The following CERS1 variants were observed in gnomAD, a reference collection of about 807,000 sequenced individuals.
CERS1 encodes the protein ceramide synthase 1, also known as Embryonic growth/differentiation factor 1.
A neutral mutation model predicts 35.7 loss-of-function variants in CERS1; 16 were observed. The observed-to-expected ratio is 0.45, with a 90% confidence interval of 0.30 to 0.68. CERS1 has a LOEUF of 0.68. CERS1 is among the 30% of genes least tolerant of loss of function. CERS1 has a pLI of 0.08. For missense variants in CERS1, 454 were observed against 453.9 expected (o/e 1.00, Z 0.00); for synonymous variants, 243 against 201.6 (o/e 1.21, Z -1.74).
At chr19:18,880,464 G>A (rs1386914825) in intron 3 of CERS1, 29 bp from the exon 4 acceptor site, 2 of 1,553,586 alleles carry the variant, frequency 1.3e-6, no homozygotes, top group Non-Finnish European at 1.7e-6. Flanking sequence ...GAGAGGAGAG[G>A]GCAGCTCACA....
In CERS1 at chr19:18,895,610, T is replaced by C. The variant is rs1330081327; in HGVS notation, c.249+214A>G. Among the ~76,000 whole-genome samples, 1 of 149,324 alleles carries C rather than the reference T, an allele frequency of 6.7e-6. No homozygotes were observed. Among genetic ancestry groups the C allele is most frequent in the African/African-American group, 2.5e-5 (1 of 40,114 alleles). ...TCTACCCGGTTCCCCCACGCAGCACTGTCTGAAGGGGGCGCGCGGCGGCCC... is the reference window on the plus strand; with the variant it reads ...TCTACCCGGTTCCCCCACGCAGCACCGTCTGAAGGGGGCGCGCGGCGGCCC... On this transcript the variant is annotated intron_variant, in intron 1 of 7. Transcript: ENST00000623882. The surrounding 1 kb of genome is among the most constrained non-coding windows in gnomAD (Gnocchi z 6.4).
rs1354098328 is a variant in CERS1 at position 18,895,723 on chromosome 19, A to G, written c.249+101T>C. On this transcript the variant is annotated intron_variant, in intron 1 of 7. Transcript: ENST00000623882. This position sits in a 1 kb window ranked among gnomAD's most constrained non-coding sequence, Gnocchi z 6.4. ...TTCCGGCGACCCCTTCATCCGCAGC[A>G]GCCAGCGCTGGAAGAAAGGAACGCG... The G allele has an allele frequency of 3.4e-6, 2 of 588,708 alleles. No homozygotes were observed. Among genetic ancestry groups the G allele is most frequent in the Non-Finnish European group, 4.7e-6 (2 of 429,190 alleles). The allele number at this position is 588,708 out of a possible 1,614,324, so 36.5% of individuals were successfully genotyped here.
Position 18,896,105 on chromosome 19 carries a change from C to A in CERS1, c.-33G>T. ...GCTCGCCCGCCGTGCCCGTCGCCTG[C>A]GCCCGCCCGCGGTAGCCGACGGAGC... is the stretch of plus-strand genomic sequence containing the variant. On this transcript the variant is annotated 5_prime_UTR_variant, in exon 1 of 8. Coordinates refer to ENST00000623882, the MANE Select transcript of CERS1 (RefSeq NM_021267.5). The surrounding 1 kb of genome is among the most constrained non-coding windows in gnomAD (Gnocchi z 5.9). 1.2e-6 allele frequency: 1 copy of A among 862,856 alleles called. No individual in the cohort carries two copies. Among genetic ancestry groups the A allele is most frequent in the Non-Finnish European group, 1.4e-6 (1 of 721,168 alleles). The allele number at this position is 862,856 out of a possible 1,614,324, so 53.4% of individuals were successfully genotyped here.
chr19:18,873,446 C>T (rs1008397631), intron 6 of CERS1, among the ~76,000 whole-genome samples: 1 of 151,976 alleles, frequency 6.6e-6, no homozygotes, highest in Admixed American at 6.6e-5. Flanking sequence ...CCTGTAATCC[C>T]AGCACTTTGG....
At chr19:18,880,248 C>T in intron 4 of CERS1, 26 bp downstream of exon 4, 1 of 1,530,108 alleles carries the variant, frequency 6.5e-7, no homozygotes, top group Non-Finnish European at 8.8e-7. Flanking sequence ...CACCTCCCTC[C>T]CTGCCCAGCA....
At position 18,884,230 on chromosome 19, in the gene CERS1, T is replaced by C; in HGVS notation, c.447A>G (p.Ala149=). The part of the protein sequence containing the change: ...TPGMAVPRDI[A]AAYLLQGSFY... ...AGCTTCCCTGGAGCAGGTAGGCGGC[T>C]GCAATGTCCCGTGGCACTGCCATGC... Residue 149 remains alanine, a synonymous_variant, in exon 3 of 8, where the codon GCA becomes GCG. Transcript: ENST00000623882. The C allele has an allele frequency of 1.2e-6, 2 of 1,613,362 alleles. No individual in the cohort carries two copies. Among genetic ancestry groups the C allele is most frequent in the Non-Finnish European group, 1.7e-6 (2 of 1,179,768 alleles).
In CERS1 at chr19:18,879,404, T is replaced by C; in HGVS notation, c.753-16A>G. ...GAACCAGAACCTGCGGTGGGAGGAG[T>C]CAGGAGGCCGTGGGTGGAGGGGGAC... On this transcript the variant is annotated splice_polypyrimidine_tract_variant and intron_variant, in intron 4 of 7. Coordinates refer to ENST00000623882, the MANE Select transcript of CERS1 (RefSeq NM_021267.5). 6.4e-7 allele frequency: 1 copy of C among 1,550,932 alleles called. No homozygotes were observed. The highest frequency in any genetic ancestry group is 1.7e-4 in the Middle Eastern group (1 of 5,986).
intron 7 of CERS1, 133 bp from the exon 8 acceptor site, chr19:18,869,523 G>A: frequency 8.0e-7 from 1 of 1,249,946 alleles, no homozygotes; most frequent in Non-Finnish European, 1.1e-6. Flanking sequence ...GTGAAGCGGC[G>A]GGGTGGGCTG....
rs1484942190 is a variant in CERS1 at position 18,895,313 on chromosome 19, G to A, written c.249+511C>T. 6.6e-6 allele frequency among the ~76,000 whole-genome samples: 1 copy of A among 152,192 alleles called. No homozygotes were observed. The highest frequency in any genetic ancestry group is 1.5e-5 in the Non-Finnish European group (1 of 68,032). Reference sequence around the variant, plus strand: ...CAGCAGAAAACGGGCAGCGGACCTCGCTCCGGGCCGGGGCGCAGCCCGCAT... The same window carrying A: ...CAGCAGAAAACGGGCAGCGGACCTCACTCCGGGCCGGGGCGCAGCCCGCAT... On this transcript the variant is annotated intron_variant, in intron 1 of 7. Coordinates refer to ENST00000623882, the MANE Select transcript of CERS1 (RefSeq NM_021267.5). The surrounding 1 kb of genome is among the most constrained non-coding windows in gnomAD (Gnocchi z 6.4).
chr19:18,870,048 A>C lies in CERS1; in HGVS notation c.*529T>G. ...CAGCTCCTCCACGTGGCACGGTTGC[A>C]GGGTGACCCCTGGGGACGTCCGCCG... On this transcript the variant is annotated 3_prime_UTR_variant, in exon 7 of 8. Coordinates refer to ENST00000623882, the MANE Select transcript of CERS1 (RefSeq NM_021267.5). This position sits in a 1 kb window ranked among gnomAD's most constrained non-coding sequence, Gnocchi z 5.1. 6.3e-7 allele frequency: 1 copy of C among 1,593,894 alleles called. No homozygotes were observed. The highest frequency in any genetic ancestry group is 1.1e-5 in the South Asian group (1 of 88,568).
chr19:18,891,846 C>T lies in CERS1; in HGVS notation c.409+1570G>A, dbSNP rs556286782. Among the ~76,000 whole-genome samples, 11 of 151,530 alleles carry T rather than the reference C, an allele frequency of 7.3e-5. No homozygotes were observed. The East Asian group carries it at 2.1e-3, about 29-fold the overall frequency. On this transcript the variant is annotated intron_variant, in intron 2 of 7. Transcript: ENST00000623882. ...TCCGCCTCCCAAAGTGTTAGGATTA[C>T]AGGTGTGAGCCAGTGAGCCACCACG... is the stretch of plus-strand genomic sequence containing the variant.
chr19:18,886,016 C>T (rs188098022), intron 2 of CERS1, among the ~76,000 whole-genome samples: 70 of 152,318 alleles, frequency 4.6e-4, no homozygotes, highest in African/African-American at 1.5e-3. Context: ...CTGACCACCA[C>T]GCTCAGGTGA....
At chr19:18,894,205 C>A (rs2056568394) in intron 1 of CERS1, among the ~76,000 whole-genome samples, 1 of 131,242 alleles carries the variant, frequency 7.6e-6, no homozygotes, top group Non-Finnish European at 1.5e-5. Flanking sequence ...ATTGGGAGTG[C>A]AGAGGAAGCT....
chr19:18,881,219 T>TA (rs1445370927), intron 3 of CERS1, among the ~76,000 whole-genome samples: 4 of 149,878 alleles, frequency 2.7e-5, no homozygotes, highest in Admixed American at 1.3e-4. Context: ...TTTTTTTTTT[T>TA]AATTTTTTTT....
At chr19:18,894,541 G>A (rs1273478427) in intron 1 of CERS1, among the ~76,000 whole-genome samples, 2 of 152,118 alleles carry the variant, frequency 1.3e-5, no homozygotes, top group African/African-American at 4.8e-5. Context: ...CTCGGCCCTG[G>A]TAGTCTACCA....
chr19:18,869,279 C>G lies in CERS1; in HGVS notation c.*706G>C, dbSNP rs747345121. Reference sequence around the variant, plus strand: ...CGCCGCCGCGAAACGCAGCTCCAGGCGGGCCCGGCTCGGGCGCTCAGCGGG... The same window carrying G: ...CGCCGCCGCGAAACGCAGCTCCAGGGGGGCCCGGCTCGGGCGCTCAGCGGG... On this transcript the variant is annotated 3_prime_UTR_variant, in exon 8 of 8. Transcript: ENST00000623882. The G allele has an allele frequency of 1.3e-6, 2 of 1,497,034 alleles. No individual in the cohort carries two copies. Among genetic ancestry groups the G allele is most frequent in the Non-Finnish European group, 1.8e-6 (2 of 1,131,442 alleles). 92.7% of individuals were successfully genotyped at this position (1,497,034 alleles called of 1,614,324 possible). A position where few individuals can be genotyped will look rare whatever the true frequency, so the allele number is the denominator to read the frequency against.
In CERS1 at chr19:18,878,220, A is replaced by C. The variant is rs556414544; in HGVS notation, c.1010+710T>G. ...CCCGGCTCCTGCTCAAACACTCCTCACGTTGCCTATGAGACACTGCACACC... is the reference window on the plus strand; with the variant it reads ...CCCGGCTCCTGCTCAAACACTCCTCCCGTTGCCTATGAGACACTGCACACC... On this transcript the variant is annotated intron_variant, in intron 6 of 7. Transcript: ENST00000623882. This position sits in a 1 kb window ranked among gnomAD's most constrained non-coding sequence, Gnocchi z 4.6. 1.0e-6 allele frequency: 1 copy of C among 984,608 alleles called. No individual in the cohort carries two copies. Among genetic ancestry groups the C allele is most frequent in the South Asian group, 4.7e-5 (1 of 21,236 alleles). 61.0% of individuals were successfully genotyped at this position (984,608 alleles called of 1,614,324 possible).
chr19:18,885,611 C>G (rs180700840), intron 2 of CERS1, among the ~76,000 whole-genome samples: 1 of 150,026 alleles, frequency 6.7e-6, no homozygotes, highest in African/African-American at 2.5e-5. Context: ...CCTCCATATC[C>G]GGGGTTCAAG....
chr19:18,888,698 T>C (rs538199599), intron 2 of CERS1, among the ~76,000 whole-genome samples: 2 of 148,000 alleles, frequency 1.4e-5, no homozygotes, highest in Non-Finnish European at 3.0e-5. Context: ...GGTGTGGTAG[T>C]ACATGCCTGT....
Sources: allele counts gnomAD v4.1 joint callset (sites outside exome capture counted in the v4.1 genomes callset), GRCh38; gene constraint gnomAD v4.1.1; non-coding constraint Gnocchi (gnomAD v3.1); transcripts MANE v1.5; gene names NCBI Gene and HGNC (gene_info 2026-07-23, HGNC 2026-07-21).